The following ARID1B variants were observed in gnomAD, a reference collection of about 807,000 sequenced individuals.
ARID1B encodes the protein AT-rich interactive domain-containing protein 1B.
Under a neutral mutation model 212.3 loss-of-function variants are expected in ARID1B, and 30 were observed. The observed-to-expected ratio is 0.14, with a 90% CI of 0.11 to 0.19. The LOEUF is 0.19. Ranked by LOEUF, ARID1B falls within the 10% of genes least tolerant of loss-of-function variation. The probability of loss-of-function intolerance (pLI) is 1.00; values close to 1 mark genes in which losing one functional copy is unlikely to be tolerated. For missense variants in ARID1B, 2,891 were observed against 3,204.0 expected, an observed-to-expected ratio of 0.90 and a Z score of 2.36; for synonymous variants, 1,402 against 1,301.7, an observed-to-expected ratio of 1.08 and a Z score of -1.66.
intron 5 of ARID1B, among the ~76,000 whole-genome samples, chr6:157,095,336 G>A (rs1392293541): frequency 6.6e-6 from 1 of 152,202 alleles, no homozygotes; most frequent in South Asian, 2.1e-4. Flanking sequence ...CTGACACGGG[G>A]TATTCCGTCA....
At chr6:157,085,171 A>AT (rs536771030) in intron 5 of ARID1B, among the ~76,000 whole-genome samples, 4 of 152,202 alleles carry the variant, frequency 2.6e-5, no homozygotes, top group Non-Finnish European at 5.9e-5. Flanking sequence ...ACAGGGTATT[A>AT]TTTATCCTCT....
rs115465457 is a variant in ARID1B, at chr6:156,934,565, G to T, written c.2137-901G>T. ...AAACTATGCCCCATGAACATATGGA[G>T]TTCTATATATGCGTGTTTATTGGTT... On this transcript the variant is annotated intron_variant, in intron 3 of 19. Transcript: ENST00000636930. Among the ~76,000 whole-genome samples the T allele has an allele frequency of 3.6e-3, 543 of 152,152 alleles. 4 individuals carry two copies. The highest frequency in any genetic ancestry group is 0.011 in the African/African-American group (442 of 41,494).
intron 3 of ARID1B, among the ~76,000 whole-genome samples, chr6:156,924,824 A>T (rs1187456548): frequency 6.6e-6 from 1 of 152,196 alleles, no homozygotes; most frequent in Admixed American, 6.5e-5. Flanking sequence ...TTTCCCTACA[A>T]AAAGTATAGA....
chr6:157,104,789 A>G (rs977236938), intron 5 of ARID1B, among the ~76,000 whole-genome samples: 3 of 152,246 alleles, frequency 2.0e-5, no homozygotes, highest in African/African-American at 7.2e-5. Context: ...CTCAGCAGTC[A>G]TGAGTTCTCC....
At position 156,813,249 on chromosome 6, in the gene ARID1B, G is replaced by A. The variant is rs562247776; in HGVS notation, c.1792-15978G>A. 2.4e-4 allele frequency among the ~76,000 whole-genome samples: 36 copies of A among 150,338 alleles called. 1 individual carries two copies. The highest frequency in any genetic ancestry group is 6.9e-4 in the African/African-American group (28 of 40,854). On this transcript the variant is annotated intron_variant, in intron 1 of 19. Transcript: ENST00000636930. The stretch of plus-strand genomic sequence containing the variant: ...CTCCCGAGTAGCTACAACTGTAGGC[G>A]CATGCTGCCACGCCCTGCTAATTTT...
chr6:156,873,959 A>G (rs1234378271), intron 2 of ARID1B, among the ~76,000 whole-genome samples: 1 of 152,128 alleles, frequency 6.6e-6, no homozygotes, highest in Non-Finnish European at 1.5e-5. Context: ...CTTTGCCCAC[A>G]TCTTCTCTTA....
intron 6 of ARID1B, among the ~76,000 whole-genome samples, chr6:157,114,028 G>A (rs17088129): frequency 0.018 from 2,748 of 152,154 alleles, 84 homozygotes; most frequent in African/African-American, 0.063. Context: ...ACCATCATTT[G>A]GTATGTACCA....
chr6:156,909,123 C>CTCT (rs769251080), intron 3 of ARID1B, among the ~76,000 whole-genome samples: 59 of 108,826 alleles, frequency 5.4e-4, no homozygotes, highest in African/African-American at 2.1e-3. Context: ...TTTTCTTTCT[C>CTCT]TTTTTTTTTT....
chr6:156,956,308 C>T (rs1201628869), intron 4 of ARID1B, among the ~76,000 whole-genome samples: 1 of 152,160 alleles, frequency 6.6e-6, no homozygotes, highest in Non-Finnish European at 1.5e-5. Flanking sequence ...TTACCCCCAC[C>T]CTTCTCTCAG....
chr6:157,149,123 C>T, intron 8 of ARID1B, 172 bp downstream of exon 8: 2 of 666,816 alleles, frequency 3.0e-6, no homozygotes, highest in East Asian at 5.5e-5. Flanking sequence ...GGTCAGAGAA[C>T]TAAGTGACAA....
intron 4 of ARID1B, among the ~76,000 whole-genome samples, chr6:157,021,736 C>T (rs1438236940): frequency 1.3e-5 from 2 of 152,182 alleles, no homozygotes; most frequent in Admixed American, 6.5e-5. Context: ...CCCGCGCGCC[C>T]GCAGGCTCCT....
intron 4 of ARID1B, among the ~76,000 whole-genome samples, chr6:157,020,723 C>T (rs62424278): frequency 0.044 from 6,653 of 152,216 alleles, 171 homozygotes; most frequent in Middle Eastern, 0.075. Context: ...TTTTTTCCAT[C>T]GCTTTTTCCT....
rs879733177 is a variant in ARID1B at position 157,138,228 on chromosome 6, G to GTTGGTTGGTTGGTTGT, written c.2761+5035_2761+5036insGTTTGGTTGGTTGGTT. Among the ~76,000 whole-genome samples, 120 of 151,808 alleles carry GTTGGTTGGTTGGTTGT rather than the reference G, an allele frequency of 7.9e-4. 1 individual carries two copies. Among genetic ancestry groups the GTTGGTTGGTTGGTTGT allele is most frequent in the Non-Finnish European group, 1.4e-3 (94 of 67,950 alleles). On this transcript the variant is annotated intron_variant, in intron 7 of 19. Transcript: ENST00000636930. ...GGTTGGTTGGTTGGTTGGTTGGTTGGTTGGTTGGTTGGTTAGTTGGTTGTT... is the reference window on the plus strand; with the variant it reads ...GGTTGGTTGGTTGGTTGGTTGGTTGGTTGGTTGGTTGGTTGTTTGGTTGGTTGGTTAGTTGGTTGTT...
chr6:157,181,782 C>T (rs566727258), intron 12 of ARID1B, among the ~76,000 whole-genome samples: 11 of 152,250 alleles, frequency 7.2e-5, no homozygotes, highest in Non-Finnish European at 1.3e-4. Context: ...AGTCTCATAC[C>T]CCAGGCACCG....
intron 6 of ARID1B, among the ~76,000 whole-genome samples, chr6:157,118,374 A>G (rs1432157538): frequency 6.6e-6 from 1 of 152,200 alleles, no homozygotes; most frequent in East Asian, 1.9e-4. Context: ...TATTCTCTTA[A>G]TCTACCTTTC....
chr6:156,929,408 T>C (rs1016110094), intron 3 of ARID1B, among the ~76,000 whole-genome samples: 3 of 152,340 alleles, frequency 2.0e-5, no homozygotes, highest in South Asian at 2.1e-4. Context: ...TGTGGCAGGC[T>C]GTGTGGCCAC....
chr6:157,043,464 A>G (rs1325728187), intron 4 of ARID1B, among the ~76,000 whole-genome samples: 1 of 152,216 alleles, frequency 6.6e-6, no homozygotes, highest in Non-Finnish European at 1.5e-5. Context: ...TTTGGGAGAC[A>G]GCGTGATATG....
At chr6:156,887,194 C>A (rs1226513617) in intron 2 of ARID1B, among the ~76,000 whole-genome samples, 1 of 152,240 alleles carries the variant, frequency 6.6e-6, no homozygotes, top group African/African-American at 2.4e-5. Flanking sequence ...CCCCCAGCCT[C>A]TTCACTGTCT....
intron 2 of ARID1B, among the ~76,000 whole-genome samples, chr6:156,890,109 A>T (rs1787808709): frequency 6.6e-6 from 1 of 152,234 alleles, no homozygotes; most frequent in Non-Finnish European, 1.5e-5. Flanking sequence ...TGTTCAGGAC[A>T]TATCCCTGAC....
Sources: gnomAD v4.1 joint callset for allele counts (sites outside exome capture counted in the v4.1 genomes callset) on GRCh38, gnomAD v4.1.1 for gene constraint, MANE v1.5 for transcripts, NCBI Gene and HGNC (gene_info 2026-07-23, HGNC 2026-07-21) for gene names.